The following UBLCP1 variants were observed in gnomAD, a reference collection of about 807,000 sequenced individuals.
The protein encoded by UBLCP1 is ubiquitin-like domain-containing CTD phosphatase 1.
Under a neutral mutation model 42.4 loss-of-function variants are expected in UBLCP1, and 28 were observed. The ratio of observed to expected loss-of-function variants is 0.66; its 90% CI spans 0.49 to 0.90. The LOEUF is 0.90. Among genes scored for constraint, UBLCP1 ranks in the 40% least tolerant of loss-of-function variants. The pLI is 0.00. For synonymous variants in UBLCP1, 122 were observed against 120.8 expected, an observed-to-expected ratio of 1.01 and a Z score of -0.07; for missense variants, 279 against 374.5, an observed-to-expected ratio of 0.75 and a Z score of 2.10.
At chr5:159,274,865 AC>A (rs2113316629) in intron 7 of UBLCP1, among the ~76,000 whole-genome samples, 1 of 152,320 alleles carries the variant, frequency 6.6e-6, no homozygotes, top group East Asian at 1.9e-4. Flanking sequence ...TCCTCATTTT[AC>A]AATAATACTT....
Position 159,274,612 on chromosome 5 carries a change from C to G in UBLCP1, c.575C>G (p.Ala192Gly). 1 of 1,610,200 alleles carries G rather than the reference C, an allele frequency of 6.2e-7. No individual in the cohort carries two copies. The highest frequency in any genetic ancestry group is 8.5e-7 in the Non-Finnish European group (1 of 1,177,916). The change falls in exon 7 of 11, where the codon GCT becomes GGT. Residue 192 changes from alanine (A) to glycine (G), a missense_variant. Physicochemically the swap from Ala to Gly is moderately conservative, Grantham distance 60. Coordinates refer to ENST00000296786, the MANE Select transcript of UBLCP1 (RefSeq NM_145049.5). ...GCAACAAATATGAAGTGGATTGAAG[C>G]TAAAATGAAAGTAAGTGTTAGAAAG... Reference protein sequence around the residue: ...WSATNMKWIEAKMKELGVSTN... With the variant: ...WSATNMKWIEGKMKELGVSTN...
chr5:159,269,744 T>A (rs1328366928), intron 2 of UBLCP1, among the ~76,000 whole-genome samples, 164 bp from the exon 3 acceptor site: 6 of 152,182 alleles, frequency 3.9e-5, no homozygotes, highest in African/African-American at 1.2e-4. Flanking sequence ...GTCTTAGATA[T>A]GACTAATTCA....
Position 159,269,066 on chromosome 5 carries a change from A to T in UBLCP1, c.151A>T (p.Lys51Ter). Residue 51 changes from lysine to a stop codon, truncating the protein, a stop_gained, in exon 2 of 11, where the codon AAA becomes TAA. Coordinates refer to ENST00000296786, the MANE Select transcript of UBLCP1 (RefSeq NM_145049.5). LOFTEE classifies it high-confidence loss of function. ...ERQKLLGLKVKGKPAENDVKL... is the reference protein window; with the variant it reads ...ERQKLLGLKV ...CCAAAAGTTACTTGGACTCAAAGTT[A>T]AAGGTAATTCTCTCCCCTCTTCAGA... is the stretch of plus-strand genomic sequence containing the variant. The T allele has an allele frequency of 6.3e-7, 1 of 1,574,958 alleles. No homozygotes were observed. The highest frequency in any genetic ancestry group is 8.6e-7 in the Non-Finnish European group (1 of 1,165,686).
chr5:159,277,187 G>A (rs370299028), intron 8 of UBLCP1, among the ~76,000 whole-genome samples: 14 of 150,782 alleles, frequency 9.3e-5, no homozygotes, highest in African/African-American at 2.4e-4. Context: ...AGTAGGGGGC[G>A]GTTTCTATTT....
At chr5:159,264,865 A>G (rs150149001) in intron 1 of UBLCP1, among the ~76,000 whole-genome samples, 131 of 152,296 alleles carry the variant, frequency 8.6e-4, no homozygotes, top group Non-Finnish European at 1.4e-3. Flanking sequence ...AACTCAGATG[A>G]TTTCACTCCA....
chr5:159,274,840 C>T (rs1285940803), intron 7 of UBLCP1, among the ~76,000 whole-genome samples: 1 of 152,142 alleles, frequency 6.6e-6, no homozygotes, highest in Non-Finnish European at 1.5e-5. Context: ...AAGCTTGTCC[C>T]CTCCCCCACA....
chr5:159,283,686 G>C (rs1206449767), intron 10 of UBLCP1, among the ~76,000 whole-genome samples: 1 of 151,930 alleles, frequency 6.6e-6, no homozygotes, highest in African/African-American at 2.4e-5. Flanking sequence ...TTCTCATACT[G>C]TAACTTAATG....
At chr5:159,275,108 C>G (rs1159370517) in intron 7 of UBLCP1, 40 bp from the exon 8 acceptor site, 14 of 1,562,202 alleles carry the variant, frequency 9.0e-6, no homozygotes, top group Non-Finnish European at 1.2e-5. Flanking sequence ...AAATTTTCCA[C>G]ACTACTATGT....
At chr5:159,284,856 T>C (rs1370238181) in intron 10 of UBLCP1, 48 bp from the exon 11 acceptor site, 2 of 1,604,972 alleles carry the variant, frequency 1.2e-6, no homozygotes, top group South Asian at 1.1e-5. Context: ...GTTATCTTCA[T>C]GAATTTAGCA....
chr5:159,280,508 G>A (rs561424283), intron 9 of UBLCP1, among the ~76,000 whole-genome samples: 3 of 152,266 alleles, frequency 2.0e-5, no homozygotes, highest in African/African-American at 7.2e-5. Context: ...TCGCCATGTT[G>A]CCTAGGCTGG....
intron 1 of UBLCP1, among the ~76,000 whole-genome samples, chr5:159,264,606 G>A (rs1753351256): frequency 6.6e-6 from 1 of 152,148 alleles, no homozygotes; most frequent in Non-Finnish European, 1.5e-5. Context: ...TAGAGCCCAT[G>A]CCCTCTGGCA....
In UBLCP1 at chr5:159,270,587, A is replaced by G; in HGVS notation, c.392A>G (p.Asn131Ser). The change falls in exon 5 of 11, where the codon AAT becomes AGT. Residue 131 changes from asparagine (N) to serine (S), a missense_variant. Physicochemically the swap from Asn to Ser is conservative, Grantham distance 46. Coordinates refer to ENST00000296786, the MANE Select transcript of UBLCP1 (RefSeq NM_145049.5). ...AAAGAGTACAAAGTGGAAATTTTGA[A>G]TCCTCCCAGGGAAGGGAAAAAGCTT... ...RVKEYKVEILNPPREGKKLLV... is the reference protein window; with the variant it reads ...RVKEYKVEILSPPREGKKLLV... The G allele has an allele frequency of 6.2e-7, 1 of 1,611,866 alleles. No homozygotes were observed. The highest frequency in any genetic ancestry group is 8.5e-7 in the Non-Finnish European group (1 of 1,179,330).
At chr5:159,269,193 C>G (rs770084684) in intron 2 of UBLCP1, 124 bp downstream of exon 2, 188 of 667,746 alleles carry the variant, frequency 2.8e-4, no homozygotes, top group Non-Finnish European at 3.8e-4. Context: ...AAGTCTCTCC[C>G]TTTCGAGATT....
chr5:159,274,692 C>G, intron 7 of UBLCP1, 70 bp downstream of exon 7: 2 of 1,415,584 alleles, frequency 1.4e-6, no homozygotes, highest in Non-Finnish European at 2.0e-6. Context: ...AGTTCTAGAA[C>G]TGAATTAATT....
chr5:159,281,876 CTAA>C (rs1399820800), intron 9 of UBLCP1, among the ~76,000 whole-genome samples: 4 of 142,996 alleles, frequency 2.8e-5, no homozygotes, highest in Non-Finnish European at 4.6e-5. Flanking sequence ...AAAAAAAAAA[CTAA>C]TGACCAATTT....
rs1254248552 is a variant in UBLCP1 at position 159,272,043 on chromosome 5, A to T, written c.469A>T (p.Thr157Ser). 13 of 1,613,078 alleles carry T rather than the reference A, an allele frequency of 8.1e-6. No individual in the cohort carries two copies. The highest frequency in any genetic ancestry group is 9.3e-6 in the Non-Finnish European group (11 of 1,179,638). Residue 157 changes from threonine (T) to serine (S), a missense_variant, in exon 6 of 11, where the codon ACT becomes TCT. Coordinates refer to ENST00000296786, the MANE Select transcript of UBLCP1 (RefSeq NM_145049.5). ...TLFDHRSCAE[T>S]GVELMRPYLH... is the part of the protein sequence containing the mutation. ...TTTAGACCACAGGTCTTGTGCAGAG[A>T]CTGGGGTAGAATTAATGCGGCCATA...
At chr5:159,278,187 C>T in intron 8 of UBLCP1, 51 bp from the exon 9 acceptor site, 1 of 1,299,934 alleles carries the variant, frequency 7.7e-7, no homozygotes, top group Non-Finnish European at 1.1e-6. Context: ...GCTTTTAAGA[C>T]AGGATGAAAT....
intron 6 of UBLCP1, among the ~76,000 whole-genome samples, chr5:159,273,534 T>C (rs1294973037): frequency 6.6e-6 from 1 of 152,168 alleles, no homozygotes; most frequent in Non-Finnish European, 1.5e-5. Flanking sequence ...GTTGTAAGAA[T>C]AGAAGTATCA....
intron 1 of UBLCP1, among the ~76,000 whole-genome samples, chr5:159,267,590 CA>C (rs1474797939): frequency 3.3e-5 from 5 of 152,022 alleles, no homozygotes; most frequent in Admixed American, 2.6e-4. Context: ...TTGGAGGGGC[CA>C]GGGGCAGAAT....
Sources: gnomAD v4.1 joint callset for allele counts (sites outside exome capture counted in the v4.1 genomes callset) on GRCh38, gnomAD v4.1.1 for gene constraint, MANE v1.5 for transcripts, NCBI Gene and HGNC (gene_info 2026-07-23, HGNC 2026-07-21) for gene names.